The following PRSS55 variants were observed in gnomAD, a reference collection of about 807,000 sequenced individuals.
PRSS55 encodes serine protease 55.
In PRSS55, 41 loss-of-function variants were observed where a neutral mutation model predicts 23.6. The observed-to-expected ratio is 1.74, with a 90% CI of 1.35 to 2.26. PRSS55 has a LOEUF of 2.26. Among genes scored for constraint, PRSS55 ranks in the 30% most tolerant of loss-of-function variants. PRSS55 has a pLI of 0.00. For synonymous variants in PRSS55, 262 were observed against 175.5 expected (o/e 1.49, Z -3.90); for missense variants, 669 against 439.1 (o/e 1.52, Z -4.68).
At chr8:10,532,649 G>T (rs920605012) in intron 3 of PRSS55, among the ~76,000 whole-genome samples, 1 of 152,214 alleles carries the variant, frequency 6.6e-6, no homozygotes, top group Non-Finnish European at 1.5e-5. Flanking sequence ...GGGCTGACTG[G>T]GGTCAAGTTG....
chr8:10,545,673 G>A (rs1002600798), intron 4 of PRSS55, among the ~76,000 whole-genome samples: 1 of 152,190 alleles, frequency 6.6e-6, no homozygotes, highest in African/African-American at 2.4e-5. Context: ...ATATGCATTG[G>A]ATTGGAATGA....
rs567292563 is a variant in PRSS55, at chr8:10,526,390, C to T, written c.154+651C>T. Among the ~76,000 whole-genome samples, 31 of 152,308 alleles carry T rather than the reference C, an allele frequency of 2.0e-4. No homozygotes were observed. The South Asian group carries it at 4.6e-3, about 22-fold the overall frequency. ...GTCTGCCTGGCCTGCGCTGGGTGAC[C>T]GCAGCGCCAGGCTGCATGCCCTGTG... On this transcript the variant is annotated intron_variant, in intron 1 of 4. Transcript: ENST00000328655.
At chr8:10,532,295 G>A (rs1173629533) in intron 3 of PRSS55, among the ~76,000 whole-genome samples, 5 of 152,142 alleles carry the variant, frequency 3.3e-5, no homozygotes, top group Non-Finnish European at 7.3e-5. Flanking sequence ...GGAGGCACAT[G>A]GGCATGCACA....
Position 10,554,106 on chromosome 8 carries a change from A to C in PRSS55, c.*74A>C. ...ACCCTTGGGCATAGCCTTGAGTTGA[A>C]AATCTTTGAGGGTGTTTTCTGTCCA... On this transcript the variant is annotated 3_prime_UTR_variant, in exon 5 of 5. Coordinates refer to the PRSS55 transcript ENST00000522210. 5 of 970,828 alleles carry C rather than the reference A, an allele frequency of 5.2e-6. No homozygotes were observed. The South Asian group carries it at 9.0e-5, about 17-fold the overall frequency. The allele number at this position is 970,828 out of a possible 1,614,324, so 60.1% of individuals were successfully genotyped here.
At chr8:10,544,654 T>A (rs1399147968) in intron 4 of PRSS55, among the ~76,000 whole-genome samples, 2 of 152,228 alleles carry the variant, frequency 1.3e-5, no homozygotes, top group African/African-American at 4.8e-5. Context: ...AATTTTTTAA[T>A]GATGCTAATT....
intron 4 of PRSS55, among the ~76,000 whole-genome samples, chr8:10,546,276 G>A (rs1035420595): frequency 1.4e-4 from 21 of 152,162 alleles, no homozygotes; most frequent in African/African-American, 3.9e-4. Context: ...AAAACCATGA[G>A]CAAAGCCTGC....
intron 1 of PRSS55, among the ~76,000 whole-genome samples, chr8:10,528,628 G>T (rs944265968): frequency 6.6e-6 from 1 of 152,154 alleles, no homozygotes; most frequent in Non-Finnish European, 1.5e-5. Context: ...CAACAGCCAG[G>T]GCTTTCCGGT....
chr8:10,533,107 G>C, intron 4 of PRSS55, 59 bp downstream of exon 4: 1 of 1,560,546 alleles, frequency 6.4e-7, no homozygotes. Flanking sequence ...AACTGCCAGT[G>C]CAAGGGTATT....
intron 4 of PRSS55, among the ~76,000 whole-genome samples, chr8:10,552,526 C>A (rs771347132): frequency 6.6e-6 from 1 of 152,084 alleles, no homozygotes; most frequent in Admixed American, 6.5e-5. Flanking sequence ...AACCATGCAT[C>A]TTTTAAGGGG....
chr8:10,533,241 C>G (rs913188219), intron 4 of PRSS55, among the ~76,000 whole-genome samples, 193 bp downstream of exon 4: 1 of 152,216 alleles, frequency 6.6e-6, no homozygotes, highest in Non-Finnish European at 1.5e-5. Flanking sequence ...CCCTGGGAGT[C>G]AATATGCTGC....
At chr8:10,551,842 G>A (rs1318287056) in intron 4 of PRSS55, among the ~76,000 whole-genome samples, 2 of 152,200 alleles carry the variant, frequency 1.3e-5, no homozygotes, top group African/African-American at 4.8e-5. Flanking sequence ...CAGATTCCCT[G>A]TGCTTTCCAT....
At chr8:10,538,909 G>A (rs1165246206), downstream of PRSS55, 4 of 1,053,842 alleles carry the variant, frequency 3.8e-6, no homozygotes, top group African/African-American at 3.2e-5. Flanking sequence ...GGGACCAGGA[G>A]GACCAGAGAG....
At chr8:10,538,117 A>G (rs1238590852) in intron 4 of PRSS55, among the ~76,000 whole-genome samples, 1 of 152,118 alleles carries the variant, frequency 6.6e-6, no homozygotes, top group East Asian at 1.9e-4. Context: ...CCCTTTCCAG[A>G]GCCTCTCATT....
intron 1 of PRSS55, among the ~76,000 whole-genome samples, chr8:10,527,372 G>C (rs1735002444): frequency 6.6e-6 from 1 of 152,224 alleles, no homozygotes; most frequent in African/African-American, 2.4e-5. Flanking sequence ...TTCAATCAGG[G>C]AATCAGCCCA....
rs182269292 is a variant in PRSS55, at chr8:10,549,786, C to A, written c.742-4157C>A. Among the ~76,000 whole-genome samples, 348 of 140,334 alleles carry A rather than the reference C, an allele frequency of 2.5e-3. 1 individual carries two copies. The highest frequency in any genetic ancestry group is 7.3e-3 in the African/African-American group (294 of 40,022). The allele number at this position is 140,334 out of a possible 152,430, so 92.1% of individuals were successfully genotyped here. A position where few individuals can be genotyped will look rare whatever the true frequency, so the allele number is the denominator to read the frequency against. On this transcript the variant is annotated intron_variant, in intron 4 of 4. Transcript: ENST00000522210. ...AGCACAGGCACAGCCAGCAGCTCCC[C>A]GCTCTGTCATTTCTCTAAACTGCAA...
intron 4 of PRSS55, among the ~76,000 whole-genome samples, chr8:10,551,073 C>G (rs1213502159): frequency 1.3e-5 from 2 of 152,208 alleles, no homozygotes; most frequent in Non-Finnish European, 2.9e-5. Context: ...CTCAGAAGGT[C>G]CTGCAAGTGA....
chr8:10,552,501 G>A (rs566112534), intron 4 of PRSS55, among the ~76,000 whole-genome samples: 1 of 152,156 alleles, frequency 6.6e-6, no homozygotes, highest in African/African-American at 2.4e-5. Context: ...TTTGGAATGG[G>A]AGAAAACATT....
downstream of PRSS55, chr8:10,540,803 T>C (rs930602009): frequency 6.6e-6 from 1 of 152,234 alleles, no homozygotes; most frequent in Non-Finnish European, 1.5e-5. Flanking sequence ...AGCTACAATG[T>C]CTAGAAGCCA....
intron 4 of PRSS55, among the ~76,000 whole-genome samples, chr8:10,553,177 G>A (rs1449403075): frequency 6.6e-6 from 1 of 152,106 alleles, no homozygotes; most frequent in African/African-American, 2.4e-5. Context: ...GTTTCATAAG[G>A]GGCTCCTCCC....
Sources: allele counts gnomAD v4.1 joint callset (sites outside exome capture counted in the v4.1 genomes callset), GRCh38; gene constraint gnomAD v4.1.1; transcripts MANE v1.5; gene names NCBI Gene and HGNC (gene_info 2026-07-23, HGNC 2026-07-21).